CIMIP6: variants seen among roughly 807,000 people sequenced by gnomAD.
CIMIP6 encodes the protein uncharacterized protein C2orf73.
At chr2:54,375,630 C>T in the CIMIP6 span, among the ~76,000 whole-genome samples, 1 of 152,112 alleles carries the variant, frequency 6.6e-6, no homozygotes, top group Non-Finnish European at 1.5e-5. Flanking sequence ...AATAACTATA[C>T]AAGAAAACAA....
chr2:54,347,002 G>A, the CIMIP6 span, among the ~76,000 whole-genome samples: 1 of 152,164 alleles, frequency 6.6e-6, no homozygotes, highest in Non-Finnish European at 1.5e-5. Context: ...CTCAGACCAA[G>A]GAGGTAGAGA....
At chr2:54,380,280 A>C in the CIMIP6 span, among the ~76,000 whole-genome samples, 1 of 152,162 alleles carries the variant, frequency 6.6e-6, no homozygotes, top group Non-Finnish European at 1.5e-5. Context: ...TCTTTCACTG[A>C]TGACTCTTAG....
the CIMIP6 span, among the ~76,000 whole-genome samples, chr2:54,342,028 G>T: frequency 6.6e-6 from 1 of 152,114 alleles, no homozygotes; most frequent in East Asian, 1.9e-4. Flanking sequence ...TGAAGCATTA[G>T]CCAATCTATT....
chr2:54,335,972 C>T, the CIMIP6 span, among the ~76,000 whole-genome samples: 1 of 152,120 alleles, frequency 6.6e-6, no homozygotes, highest in East Asian at 1.9e-4. Flanking sequence ...TTAGAATGCA[C>T]CCACCCAGAT....
chr2:54,366,013 C>T, the CIMIP6 span, among the ~76,000 whole-genome samples: 16 of 152,216 alleles, frequency 1.1e-4, no homozygotes, highest in African/African-American at 3.1e-4. Flanking sequence ...AAATTTGAAA[C>T]GAAAATGGCT....
At chr2:54,341,231 GT>G in the CIMIP6 span, among the ~76,000 whole-genome samples, 2 of 152,174 alleles carry the variant, frequency 1.3e-5, no homozygotes, top group South Asian at 2.1e-4. Context: ...GTATTAAAAG[GT>G]GGGACCCTTA....
the CIMIP6 span, among the ~76,000 whole-genome samples, chr2:54,336,906 T>G: frequency 6.6e-6 from 1 of 152,172 alleles, no homozygotes; most frequent in African/African-American, 2.4e-5. Context: ...AGAATCCTAG[T>G]CTACTGCTCT....
the CIMIP6 span, among the ~76,000 whole-genome samples, chr2:54,336,954 G>A: frequency 0.01 from 1,526 of 152,324 alleles, 27 homozygotes; most frequent in African/African-American, 0.035. Context: ...GCTGAGAGCA[G>A]GATTCTATGA....
the CIMIP6 span, among the ~76,000 whole-genome samples, chr2:54,344,323 A>G: frequency 2.0e-4 from 30 of 152,336 alleles, no homozygotes; most frequent in South Asian, 3.9e-3. Flanking sequence ...CTGCCTTCCA[A>G]GACCCTATTA....
the CIMIP6 span, among the ~76,000 whole-genome samples, chr2:54,352,857 C>G: frequency 6.6e-6 from 1 of 152,030 alleles, no homozygotes; most frequent in South Asian, 2.1e-4. Flanking sequence ...GTTTATTTTT[C>G]CTGAAAAGTT....
the CIMIP6 span, among the ~76,000 whole-genome samples, chr2:54,373,574 C>T: frequency 4.6e-5 from 7 of 152,110 alleles, no homozygotes; most frequent in African/African-American, 1.7e-4. Flanking sequence ...TCTAGGAGCT[C>T]CTCTGCTGCT....
chr2:54,357,427 G>T, the CIMIP6 span, among the ~76,000 whole-genome samples: 2 of 151,894 alleles, frequency 1.3e-5, no homozygotes, highest in African/African-American at 2.4e-5. Flanking sequence ...AAATTCAAAT[G>T]GTACAAAAAG....
the CIMIP6 span, among the ~76,000 whole-genome samples, chr2:54,380,417 A>G: frequency 6.6e-6 from 1 of 152,034 alleles, no homozygotes; most frequent in Admixed American, 6.5e-5. Flanking sequence ...GCACTGCCTC[A>G]GTTCTTCCCA....
the CIMIP6 span, among the ~76,000 whole-genome samples, chr2:54,375,462 A>T: frequency 6.6e-6 from 1 of 152,224 alleles, no homozygotes; most frequent in Non-Finnish European, 1.5e-5. Flanking sequence ...AAGATTGTTT[A>T]TATACAATGT....
the CIMIP6 span, among the ~76,000 whole-genome samples, chr2:54,370,020 G>C: frequency 6.6e-6 from 1 of 152,196 alleles, no homozygotes; most frequent in Non-Finnish European, 1.5e-5. Flanking sequence ...CACTTTGGGA[G>C]GGCGAGACAG....
chr2:54,365,445 G>A, the CIMIP6 span, among the ~76,000 whole-genome samples: 1 of 152,120 alleles, frequency 6.6e-6, no homozygotes, highest in East Asian at 1.9e-4. Context: ...TCCCAGGAAA[G>A]GAGTTAGCAG....
the CIMIP6 span, chr2:54,358,965 T>C: frequency 1.3e-6 from 2 of 1,521,646 alleles, no homozygotes; most frequent in Non-Finnish European, 1.8e-6. Context: ...TTAGTACCAC[T>C]TGCCTCTCCT....
the CIMIP6 span, among the ~76,000 whole-genome samples, chr2:54,367,617 T>C: frequency 2.0e-5 from 3 of 152,062 alleles, no homozygotes; most frequent in South Asian, 2.1e-4. Context: ...AACATGGCCC[T>C]AGGAAAGGGT....
At chr2:54,371,916 C>T in the CIMIP6 span, among the ~76,000 whole-genome samples, 7 of 152,160 alleles carry the variant, frequency 4.6e-5, no homozygotes, top group East Asian at 3.8e-4. Flanking sequence ...CTAACCCCTC[C>T]GGGTCTGGGT....
Sources: allele counts gnomAD v4.1 joint callset (sites outside exome capture counted in the v4.1 genomes callset), GRCh38; gene constraint gnomAD v4.1.1; transcripts MANE v1.5; gene names NCBI Gene and HGNC (gene_info 2026-07-23, HGNC 2026-07-21).